Variants in NELFB observed in about 807,000 individuals in gnomAD.
The protein encoded by NELFB is negative elongation factor B.
NELFB carries 34 observed loss-of-function variants against 60.2 expected under a neutral mutation model. That is an observed-to-expected ratio of 0.56 (90% CI 0.43 to 0.75). The LOEUF (loss-of-function observed/expected upper bound fraction) is 0.75. NELFB is among the 30% of genes least tolerant of loss of function. NELFB has a pLI of 0.00. For synonymous variants in NELFB, 459 were observed against 382.1 expected (o/e 1.20, Z -2.35); for missense variants, 770 against 831.6 (o/e 0.93, Z 0.91).
At chr9:137,271,860 T>G (rs946807279) in intron 10 of NELFB, among the ~76,000 whole-genome samples, 1 of 134,802 alleles carries the variant, frequency 7.4e-6, no homozygotes, top group African/African-American at 2.7e-5. Context: ...GTCCCTGGGC[T>G]GCAGCTCTGC....
Position 137,272,945 on chromosome 9 carries a change from C to T in NELFB, c.*17C>T. The T allele has an allele frequency of 6.7e-7, 1 of 1,497,066 alleles. No homozygotes were observed. 92.7% of individuals were successfully genotyped at this position (1,497,066 alleles called of 1,614,324 possible). A position where few individuals can be genotyped will look rare whatever the true frequency, so the allele number is the denominator to read the frequency against. On this transcript the variant is annotated 3_prime_UTR_variant, in exon 13 of 13. Transcript: ENST00000343053. The stretch of plus-strand genomic sequence containing the variant: ...CCGCTCTGAGGGCCCTCCAGACCTG[C>T]TCGGGTGCTGGGGCCATGCCGAGTC...
intron 4 of NELFB, among the ~76,000 whole-genome samples, 199 bp downstream of exon 4, chr9:137,257,253 T>C (rs1291584490): frequency 6.6e-6 from 1 of 152,286 alleles, no homozygotes; most frequent in Non-Finnish European, 1.5e-5. Flanking sequence ...ATTTTACTTT[T>C]CGTTAAAGTG....
chr9:137,255,970 A>T lies in NELFB; in HGVS notation c.310A>T (p.Thr104Ser). The change falls in exon 2 of 13, where the codon ACG becomes TCG. Residue 104 changes from threonine to serine, a missense_variant. Coordinates refer to ENST00000343053, the MANE Select transcript of NELFB (RefSeq NM_015456.5). ...CCTCCCCTTCTTGGACCTGCACGGGACGCCGCGGCTGGAGTTCCACCAGTC... is the reference window on the plus strand; with the variant it reads ...CCTCCCCTTCTTGGACCTGCACGGGTCGCCGCGGCTGGAGTTCCACCAGTC... 6.2e-7 allele frequency: 1 copy of T among 1,613,804 alleles called. No homozygotes were observed. The highest frequency in any genetic ancestry group is 8.5e-7 in the Non-Finnish European group (1 of 1,179,982).
intron 10 of NELFB, among the ~76,000 whole-genome samples, chr9:137,267,819 GTTTAT>G (rs1408155750): frequency 6.6e-6 from 1 of 152,168 alleles, no homozygotes; most frequent in Non-Finnish European, 1.5e-5. Context: ...TTTGTTTGTA[GTTTAT>G]TTTACTAGGA....
intron 4 of NELFB, among the ~76,000 whole-genome samples, chr9:137,258,923 G>C (rs1837601160): frequency 6.6e-6 from 1 of 152,180 alleles, no homozygotes; most frequent in South Asian, 2.1e-4. Context: ...GAAAGATTGG[G>C]CTGGGTACGG....
Position 137,267,347 on chromosome 9 carries a change from G to C in NELFB, c.1489+1G>C. On this transcript the variant is annotated splice_donor_variant, in intron 10 of 12. Coordinates refer to ENST00000343053, the MANE Select transcript of NELFB (RefSeq NM_015456.5). LOFTEE classifies it high-confidence loss of function. ...CTCCTCCGCCTGCTGCCCGGGCTGG[G>C]TAAGTCCTGACGGGCGGTGCCTGGC... 1 of 1,604,224 alleles carries C rather than the reference G, an allele frequency of 6.2e-7. No homozygotes were observed. The highest frequency in any genetic ancestry group is 1.1e-5 in the South Asian group (1 of 89,790).
chr9:137,266,206 G>T, intron 7 of NELFB, 125 bp from the exon 8 acceptor site: 1 of 854,608 alleles, frequency 1.2e-6, no homozygotes, highest in South Asian at 1.7e-5. Flanking sequence ...TGGGGCTGGT[G>T]ATCGCAGTCG....
At chr9:137,265,274 G>A (rs1830504144) in intron 6 of NELFB, among the ~76,000 whole-genome samples, 1 of 151,372 alleles carries the variant, frequency 6.6e-6, no homozygotes, top group Non-Finnish European at 1.5e-5. Context: ...GCATCCCAAA[G>A]TGCTGGGATG....
chr9:137,266,814 C>T (rs1424038431), intron 8 of NELFB, 130 bp from the exon 9 acceptor site: 3 of 1,085,842 alleles, frequency 2.8e-6, no homozygotes, highest in East Asian at 2.5e-5. Context: ...GACCTGGGGA[C>T]CTGGAGAGGA....
intron 4 of NELFB, among the ~76,000 whole-genome samples, chr9:137,257,960 C>A (rs1180803128): frequency 1.3e-5 from 2 of 151,638 alleles, no homozygotes; most frequent in African/African-American, 4.9e-5. Context: ...CACACTGGGG[C>A]TACTTAAAAA....
In NELFB at chr9:137,257,068, C is replaced by G; in HGVS notation, c.741+14C>G. On this transcript the variant is annotated intron_variant, in intron 4 of 12. Coordinates refer to ENST00000343053, the MANE Select transcript of NELFB (RefSeq NM_015456.5). ...CGCCAGGGCGAGGTGAGGGGACAGG[C>G]CGTGTGCGGGGTGGGGCACCTCTTG... The G allele has an allele frequency of 6.2e-7, 1 of 1,604,888 alleles. No homozygotes were observed. Among genetic ancestry groups the G allele is most frequent in the Non-Finnish European group, 8.5e-7 (1 of 1,174,672 alleles).
At chr9:137,267,212 G>C (rs887194420) in intron 9 of NELFB, 28 bp from the exon 10 acceptor site, 1 of 750,230 alleles carries the variant, frequency 1.3e-6, no homozygotes, top group Non-Finnish European at 2.1e-6. Context: ...GTGGGGCTGA[G>C]GTGGGGCTGA....
At chr9:137,271,796 C>T (rs1455471610) in intron 10 of NELFB, among the ~76,000 whole-genome samples, 2 of 150,724 alleles carry the variant, frequency 1.3e-5, no homozygotes, top group Non-Finnish European at 3.0e-5. Context: ...CTGTCTCCCC[C>T]TCCCTCCACC....
intron 1 of NELFB, 118 bp downstream of exon 1, chr9:137,255,729 T>A: frequency 7.0e-7 from 1 of 1,422,676 alleles, no homozygotes; most frequent in Middle Eastern, 2.5e-4. Context: ...CTGAGTCCTG[T>A]TCTGGGGGTG....
intron 10 of NELFB, among the ~76,000 whole-genome samples, chr9:137,268,217 A>G (rs1385372775): frequency 6.6e-6 from 1 of 152,228 alleles, no homozygotes; most frequent in East Asian, 1.9e-4. Flanking sequence ...TTGCTGACTC[A>G]GGCCTTGTCT....
chr9:137,257,004 G>A lies in NELFB; in HGVS notation c.691G>A (p.Val231Ile). Residue 231 changes from valine (V) to isoleucine (I), a missense_variant, in exon 4 of 13, where the codon GTC becomes ATC. By Grantham distance (29) the Val-to-Ile change is conservative. Transcript: ENST00000343053. ...CGCTCTCTTCAGTACAGAGCTCTCTGTCCTGCACAACTTTTTCAGTCCTTC... is the reference window on the plus strand; with the variant it reads ...CGCTCTCTTCAGTACAGAGCTCTCTATCCTGCACAACTTTTTCAGTCCTTC... 6.2e-7 allele frequency: 1 copy of A among 1,613,854 alleles called. No homozygotes were observed.
intron 4 of NELFB, among the ~76,000 whole-genome samples, chr9:137,258,080 C>G (rs930880318): frequency 4.1e-5 from 6 of 146,464 alleles, no homozygotes; most frequent in Non-Finnish European, 6.0e-5. Flanking sequence ...GCTGGGATTA[C>G]AGACATGAGG....
At chr9:137,270,674 G>C (rs535446329) in intron 10 of NELFB, among the ~76,000 whole-genome samples, 41 of 148,038 alleles carry the variant, frequency 2.8e-4, no homozygotes, top group Middle Eastern at 4.1e-3. Flanking sequence ...TAATCCCAGC[G>C]CTTTGGGAGG....
Position 137,255,564 on chromosome 9 carries a change from AC to A in NELFB, c.202del (p.Leu68Ter). 1 of 1,549,462 alleles carries A rather than the reference AC, an allele frequency of 6.5e-7. No homozygotes were observed. The highest frequency in any genetic ancestry group is 1.2e-5 in the South Asian group (1 of 84,040). On this transcript the variant is annotated frameshift_variant, in exon 1 of 13. Transcript: ENST00000343053. LOFTEE classifies it high-confidence loss of function. ...GGCCAACGGCGAGGACCTGAAGGAGACCCTGACCAACTGCACGGAGCCGCTC... is the reference window on the plus strand; with the variant it reads ...GGCCAACGGCGAGGACCTGAAGGAGACCTGACCAACTGCACGGAGCCGCTC...
Sources: gnomAD v4.1 joint callset for allele counts (sites outside exome capture counted in the v4.1 genomes callset) on GRCh38, gnomAD v4.1.1 for gene constraint, MANE v1.5 for transcripts, NCBI Gene and HGNC (gene_info 2026-07-23, HGNC 2026-07-21) for gene names.